The following NRDC variants were observed in gnomAD, a reference collection of about 807,000 sequenced individuals.
NRDC encodes the protein nardilysin convertase.
NRDC carries 54 observed loss-of-function variants against 147.1 expected under a neutral mutation model. The observed-to-expected ratio is 0.37, with a 90% confidence interval of 0.29 to 0.46. The LOEUF is 0.46. Ranked by LOEUF, NRDC falls within the 20% of genes least tolerant of loss-of-function variation. The pLI is 1.00. For synonymous variants in NRDC, 440 were observed against 482.1 expected (o/e 0.91, Z 1.14); for missense variants, 1,082 against 1,370.6 (o/e 0.79, Z 3.33).
intron 4 of NRDC, among the ~76,000 whole-genome samples, chr1:51,831,296 T>C: frequency 6.6e-6 from 1 of 152,226 alleles, no homozygotes; most frequent in Non-Finnish European, 1.5e-5. Flanking sequence ...GCCTATCCTT[T>C]TTCCCAATAA....
chr1:51,817,990 A>G, intron 10 of NRDC, 76 bp downstream of exon 10: 1 of 1,101,526 alleles, frequency 9.1e-7, no homozygotes, highest in South Asian at 1.4e-5. Flanking sequence ...GAACCCCCAA[A>G]CTTAAACCAT....
At chr1:51,847,177 G>A (rs1294325756) in intron 1 of NRDC, among the ~76,000 whole-genome samples, 3 of 152,216 alleles carry the variant, frequency 2.0e-5, no homozygotes, top group African/African-American at 7.2e-5. Context: ...CAAACCCTGA[G>A]CTAGACACAG....
rs1336511722 is a variant in NRDC, at chr1:51,809,339, G to T, written c.1966C>A (p.Leu656Ile). ...CCTATGTACTTGTTTTCAGCTGGAA[G>T]ATGAAGATCTGGATTTAATTCGAAA... ...SNFELNPDLH[L>I]PAENKYIATD... Residue 656 changes from leucine (L) to isoleucine (I), a missense_variant, in exon 17 of 31, where the codon CTT becomes ATT. Around this residue, in one of 3 missense-constraint regions of NRDC, gnomAD observed 635 missense variants for 923.8 expected, o/e 0.69. Coordinates refer to ENST00000352171, the MANE Select transcript of NRDC (RefSeq NM_001101662.2). The T allele has an allele frequency of 6.2e-7, 1 of 1,613,678 alleles. No individual in the cohort carries two copies. The highest frequency in any genetic ancestry group is 2.2e-5 in the East Asian group (1 of 44,848).
rs1679152421 is a variant in NRDC, at chr1:51,800,699, G to T, written c.2314-16C>A. The T allele has an allele frequency of 6.2e-7, 1 of 1,608,358 alleles. No individual in the cohort carries two copies. The highest frequency in any genetic ancestry group is 8.5e-7 in the Non-Finnish European group (1 of 1,177,868). ...GAAACAGTAGCTAAAAGAAAAAGAAGGAAGCATTTTAAGAAGCATGGAAAT... is the reference window on the plus strand; with the variant it reads ...GAAACAGTAGCTAAAAGAAAAAGAATGAAGCATTTTAAGAAGCATGGAAAT... On this transcript the variant is annotated splice_polypyrimidine_tract_variant and intron_variant, in intron 20 of 30. Coordinates refer to ENST00000352171, the MANE Select transcript of NRDC (RefSeq NM_001101662.2).
intron 1 of NRDC, among the ~76,000 whole-genome samples, chr1:51,865,907 A>T (rs1222762162): frequency 6.6e-6 from 1 of 151,956 alleles, no homozygotes; most frequent in African/African-American, 2.4e-5. Context: ...AAAAAAAAAA[A>T]AATTAGCTGG....
At chr1:51,865,305 G>A (rs535124973) in intron 1 of NRDC, among the ~76,000 whole-genome samples, 11 of 150,794 alleles carry the variant, frequency 7.3e-5, no homozygotes, top group South Asian at 6.3e-4. Flanking sequence ...TAAGTTTTTC[G>A]TTTTGTTTTT....
At chr1:51,870,646 C>T (rs1683036896) in intron 1 of NRDC, among the ~76,000 whole-genome samples, 1 of 152,132 alleles carries the variant, frequency 6.6e-6, no homozygotes, top group African/African-American at 2.4e-5. Context: ...TGCATCCATA[C>T]TCGTTACTTC....
In NRDC at chr1:51,794,578, A is replaced by C. The variant is rs147419786; in HGVS notation, c.2669T>G (p.Met890Arg). 59 of 1,614,210 alleles carry C rather than the reference A, an allele frequency of 3.7e-5. No individual in the cohort carries two copies. In the East Asian group the frequency reaches 1.1e-3, roughly 30 times the overall value. The change falls in exon 24 of 31, where the codon ATG becomes AGG. Residue 890 changes from methionine (M) to arginine (R), a missense_variant. By Grantham distance (91) the Met-to-Arg change is moderately conservative. Coordinates refer to ENST00000352171, the MANE Select transcript of NRDC (RefSeq NM_001101662.2). ...CTCTACCACCTGGAACTGCACAGGC[A>C]TCTCCTGCTCCAGAGGCTTGAAGTT... ...KLNFKPLEQE[M>R]PVQFQVVELP... is the part of the protein sequence containing the mutation.
At chr1:51,834,197 C>G (rs1680839491) in intron 3 of NRDC, 27 bp from the exon 4 acceptor site, 2 of 1,610,888 alleles carry the variant, frequency 1.2e-6, no homozygotes, top group South Asian at 2.2e-5. Flanking sequence ...CAAAGTCACA[C>G]AACACAAAGA....
intron 1 of NRDC, among the ~76,000 whole-genome samples, chr1:51,844,062 G>A (rs1187100562): frequency 3.9e-5 from 6 of 152,010 alleles, no homozygotes; most frequent in Non-Finnish European, 8.8e-5. Context: ...TTTCCTTAGA[G>A]CATGTTGTCA....
chr1:51,847,355 T>A (rs1163820682), intron 1 of NRDC, among the ~76,000 whole-genome samples: 1 of 152,256 alleles, frequency 6.6e-6, no homozygotes, highest in Admixed American at 6.5e-5. Context: ...TGGAACTGCC[T>A]GCCAATCCCC....
chr1:51,810,422 G>A lies in NRDC; in HGVS notation c.1780-18C>T, dbSNP rs967589763. ...CCAATGACCTAGTAAAGTGGGAAGA[G>A]GGGAAAGAGATACACACAATTTTAA... is the stretch of plus-strand genomic sequence containing the variant. On this transcript the variant is annotated intron_variant, in intron 15 of 30. Transcript: ENST00000352171. The A allele has an allele frequency of 6.2e-6, 10 of 1,604,958 alleles. No individual in the cohort carries two copies. Among genetic ancestry groups the A allele is most frequent in the African/African-American group, 1.3e-5 (1 of 74,626 alleles).
chr1:51,871,947 C>A (rs774396344), intron 1 of NRDC, among the ~76,000 whole-genome samples: 3 of 152,110 alleles, frequency 2.0e-5, no homozygotes, highest in Admixed American at 6.5e-5. Context: ...TCTTGACTCA[C>A]TGCAACCTCT....
At position 51,821,487 on chromosome 1, in the gene NRDC, A is replaced by T. The variant is rs1680204564; in HGVS notation, c.1217+11T>A. 2.6e-6 allele frequency: 4 copies of T among 1,561,404 alleles called. No individual in the cohort carries two copies. The highest frequency in any genetic ancestry group is 2.6e-6 in the Non-Finnish European group (3 of 1,132,440). ...CTGAAGGTGTATGATGTATGAAAAT[A>T]AATATCTTACTTGTTTGGTATCTGA... On this transcript the variant is annotated intron_variant, in intron 8 of 30. Coordinates refer to ENST00000352171, the MANE Select transcript of NRDC (RefSeq NM_001101662.2).
At chr1:51,823,853 C>G in intron 6 of NRDC, 67 bp from the exon 7 acceptor site, 1 of 1,135,528 alleles carries the variant, frequency 8.8e-7, no homozygotes, top group East Asian at 2.5e-5. Context: ...TCTACATCAT[C>G]AATGCATATT....
Position 51,790,545 on chromosome 1 carries a change from G to A in NRDC, c.3156C>T (p.Arg1052=), listed in dbSNP as rs1308938857. 1.2e-6 allele frequency: 2 copies of A among 1,611,276 alleles called. No homozygotes were observed. The highest frequency in any genetic ancestry group is 3.3e-5 in the Admixed American group (2 of 60,006). Residue 1052 remains arginine, a synonymous_variant, in exon 29 of 31, where the codon CGC becomes CGT. Coordinates refer to ENST00000352171, the MANE Select transcript of NRDC (RefSeq NM_001101662.2). ...AAAACCATGTTACCTCGTGGGCAAG[G>A]CGGTCAAAGAGGTACTGCTGTGTAA... ...EVVTQQYLFD[R]LAHEIEALKS...
intron 9 of NRDC, among the ~76,000 whole-genome samples, chr1:51,819,027 C>T (rs577845432): frequency 6.6e-6 from 1 of 152,122 alleles, no homozygotes; most frequent in African/African-American, 2.4e-5. Flanking sequence ...GGAGGCCGGG[C>T]GTGGTGGCTC....
chr1:51,819,632 G>A (rs1209025605), intron 9 of NRDC, among the ~76,000 whole-genome samples, 168 bp downstream of exon 9: 4 of 152,178 alleles, frequency 2.6e-5, no homozygotes, highest in African/African-American at 9.7e-5. Flanking sequence ...CTAGTCAGTG[G>A]TCTGCTATCT....
At position 51,812,872 on chromosome 1, in the gene NRDC, G is replaced by A. The variant is rs576922275; in HGVS notation, c.1675-774C>T. Reference sequence around the variant, plus strand: ...AGCTATTTGGGAGGCTGAGGCAGGAGAATAGCTTGAACCTGGGAGGCGGAG... The same window carrying A: ...AGCTATTTGGGAGGCTGAGGCAGGAAAATAGCTTGAACCTGGGAGGCGGAG... On this transcript the variant is annotated intron_variant, in intron 14 of 30. Transcript: ENST00000352171. Among the ~76,000 whole-genome samples the A allele has an allele frequency of 9.1e-5, 13 of 143,298 alleles. No homozygotes were observed. The East Asian group carries it at 2.8e-3, about 31-fold the overall frequency. The allele number at this position is 143,298 out of a possible 152,430, so 94.0% of individuals were successfully genotyped here.
Sources: allele counts gnomAD v4.1 joint callset (sites outside exome capture counted in the v4.1 genomes callset), GRCh38; gene constraint gnomAD v4.1.1; regional missense constraint gnomAD v4.1.1; transcripts MANE v1.5; gene names NCBI Gene and HGNC (gene_info 2026-07-23, HGNC 2026-07-21).